The following ENTREP2 variants were observed in gnomAD, a reference collection of about 807,000 sequenced individuals.
ENTREP2 encodes the protein endosomal transmembrane epsin interactor 2.
At chr15:29,387,334 AAG>A in the ENTREP2 span, among the ~76,000 whole-genome samples, 1 of 152,154 alleles carries the variant, frequency 6.6e-6, no homozygotes, top group Non-Finnish European at 1.5e-5. Flanking sequence ...AACAGACAAA[AAG>A]AGAGCCAAAT....
chr15:29,635,722 G>C, the ENTREP2 span, among the ~76,000 whole-genome samples: 3 of 152,196 alleles, frequency 2.0e-5, no homozygotes, highest in Non-Finnish European at 2.9e-5. Context: ...GATGATGTGA[G>C]ACCACAGCTT....
the ENTREP2 span, among the ~76,000 whole-genome samples, chr15:29,516,520 T>C: frequency 0.35 from 53,581 of 151,678 alleles, 9,550 homozygotes; most frequent in East Asian, 0.42. Context: ...ACACATATAG[T>C]AAAAAGCATA....
chr15:29,640,819 A>C, the ENTREP2 span, among the ~76,000 whole-genome samples: 3 of 152,194 alleles, frequency 2.0e-5, no homozygotes, highest in Admixed American at 1.3e-4. Context: ...ACACTTTCCA[A>C]CTCTTCCTAT....
At chr15:29,490,397 G>A in the ENTREP2 span, among the ~76,000 whole-genome samples, 6 of 152,202 alleles carry the variant, frequency 3.9e-5, no homozygotes, top group Non-Finnish European at 4.4e-5. Context: ...ACATGGAAGA[G>A]AACCCAAACA....
At chr15:29,367,623 A>T in the ENTREP2 span, among the ~76,000 whole-genome samples, 1 of 152,194 alleles carries the variant, frequency 6.6e-6, no homozygotes, top group Admixed American at 6.5e-5. Context: ...AGCGCTGTGC[A>T]TATGCCCAGG....
the ENTREP2 span, among the ~76,000 whole-genome samples, chr15:29,370,049 T>C: frequency 2.0e-5 from 3 of 152,140 alleles, no homozygotes. Context: ...TTTTTTTAAA[T>C]AAATTACCCA....
the ENTREP2 span, among the ~76,000 whole-genome samples, chr15:29,199,631 A>G: frequency 6.6e-6 from 1 of 152,224 alleles, no homozygotes; most frequent in Non-Finnish European, 1.5e-5. Flanking sequence ...GACAAATCAT[A>G]TATAGTACAT....
chr15:29,455,177 A>G, the ENTREP2 span, among the ~76,000 whole-genome samples: 1 of 152,044 alleles, frequency 6.6e-6, no homozygotes, highest in Non-Finnish European at 1.5e-5. Flanking sequence ...AAAGCCCATC[A>G]CCCCTGCTCA....
At chr15:29,279,005 A>G in the ENTREP2 span, among the ~76,000 whole-genome samples, 6 of 152,124 alleles carry the variant, frequency 3.9e-5, no homozygotes, top group Admixed American at 3.9e-4. Flanking sequence ...TTCTCTGTGC[A>G]TGTACATCCC....
chr15:29,264,718 G>T, the ENTREP2 span, among the ~76,000 whole-genome samples: 1 of 152,120 alleles, frequency 6.6e-6, no homozygotes, highest in Non-Finnish European at 1.5e-5. Flanking sequence ...TAACTAAATA[G>T]TTCAGGGAAC....
At chr15:29,443,031 C>T in the ENTREP2 span, among the ~76,000 whole-genome samples, 10 of 152,286 alleles carry the variant, frequency 6.6e-5, no homozygotes, top group Middle Eastern at 3.4e-3. Context: ...AGCGTCTCTG[C>T]GAAGGAGGGA....
chr15:29,157,880 C>T, the ENTREP2 span, among the ~76,000 whole-genome samples: 1 of 152,060 alleles, frequency 6.6e-6, no homozygotes, highest in East Asian at 1.9e-4. Context: ...CAGGCATACG[C>T]CACCACGCCC....
chr15:29,355,747 G>T, the ENTREP2 span, among the ~76,000 whole-genome samples: 1 of 152,108 alleles, frequency 6.6e-6, no homozygotes, highest in Non-Finnish European at 1.5e-5. Flanking sequence ...TTTATACACT[G>T]TGGGAAATAT....
the ENTREP2 span, chr15:29,612,918 G>A: frequency 6.6e-6 from 1 of 152,172 alleles, no homozygotes; most frequent in Non-Finnish European, 1.5e-5. Context: ...CAACTATAAG[G>A]TAACAAAACA....
chr15:29,584,178 A>G, the ENTREP2 span, among the ~76,000 whole-genome samples: 1 of 119,204 alleles, frequency 8.4e-6, no homozygotes. Flanking sequence ...TATTTATCCT[A>G]CAAATACAGT....
At chr15:29,510,612 T>C in the ENTREP2 span, among the ~76,000 whole-genome samples, 5 of 151,942 alleles carry the variant, frequency 3.3e-5, no homozygotes, top group African/African-American at 7.3e-5. Context: ...GAGACCATCC[T>C]GGCTAACACG....
the ENTREP2 span, among the ~76,000 whole-genome samples, chr15:29,636,510 T>C: frequency 6.6e-6 from 1 of 152,190 alleles, no homozygotes; most frequent in Non-Finnish European, 1.5e-5. Flanking sequence ...AGAATGAACA[T>C]TGGTTGCTAC....
At chr15:29,221,816 A>G in the ENTREP2 span, among the ~76,000 whole-genome samples, 3 of 152,172 alleles carry the variant, frequency 2.0e-5, no homozygotes, top group African/African-American at 7.2e-5. Flanking sequence ...GGAACACTGC[A>G]CGATTTTCCA....
At chr15:29,618,930 G>T in the ENTREP2 span, among the ~76,000 whole-genome samples, 45 of 152,346 alleles carry the variant, frequency 3.0e-4, no homozygotes, top group East Asian at 8.3e-3. Context: ...AAAGTTACAT[G>T]CAGGAGACAG....
Sources: allele counts gnomAD v4.1 joint callset (sites outside exome capture counted in the v4.1 genomes callset), GRCh38; gene constraint gnomAD v4.1.1; transcripts MANE v1.5; gene names NCBI Gene and HGNC (gene_info 2026-07-23, HGNC 2026-07-21).